Variants in OASL observed in about 807,000 individuals in gnomAD.
OASL encodes the protein 2'-5'-oligoadenylate synthetase like.
A neutral mutation model predicts 35.3 loss-of-function variants in OASL; 28 were observed. That is an observed-to-expected ratio of 0.79 (90% CI 0.59 to 1.09). OASL has a LOEUF of 1.09. Ranked by LOEUF, OASL falls within the 50% of genes least tolerant of loss-of-function variation. The probability of loss-of-function intolerance (pLI) is 0.00; values close to 1 mark genes in which losing one functional copy is unlikely to be tolerated. For missense variants in OASL, 620 were observed against 635.2 expected (o/e 0.98, Z 0.26); for synonymous variants, 252 against 254.6 (o/e 0.99, Z 0.10).
At position 121,033,824 on chromosome 12, in the gene OASL, T is replaced by G. The variant is rs1869848021; in HGVS notation, c.199-81A>C. 8 of 1,457,962 alleles carry G rather than the reference T, an allele frequency of 5.5e-6. No homozygotes were observed. The South Asian group carries it at 9.9e-5, about 18-fold the overall frequency. 90.3% of individuals were successfully genotyped at this position (1,457,962 alleles called of 1,614,324 possible). On this transcript the variant is annotated intron_variant, in intron 1 of 5. Transcript: ENST00000257570. ...CCTGCGGCACTTCACATGCACTGTC[T>G]CACTGAATGCTCACCACCCGCTGAG... is the stretch of plus-strand genomic sequence containing the variant.
intron 5 of OASL, among the ~76,000 whole-genome samples, chr12:121,023,570 G>A (rs996153769): frequency 4.6e-5 from 7 of 152,172 alleles, no homozygotes; most frequent in Admixed American, 2.6e-4. Flanking sequence ...GATTACAGGC[G>A]TGAACCACCG....
At chr12:121,038,087 TA>T (rs571751942) in intron 1 of OASL, among the ~76,000 whole-genome samples, 308 of 141,652 alleles carry the variant, frequency 2.2e-3, no homozygotes, top group Middle Eastern at 0.015. Flanking sequence ...ACCCTGTCTC[TA>T]AAAAAAAAAA....
At chr12:121,022,292 G>A (rs1445020213) in intron 5 of OASL, among the ~76,000 whole-genome samples, 2 of 151,998 alleles carry the variant, frequency 1.3e-5, no homozygotes, top group African/African-American at 4.8e-5. Flanking sequence ...TTACCATGTT[G>A]GCCAGGATGG....
exon 3 of OASL, chr12:121,031,491 G>C (rs1363364893): frequency 2.5e-6 from 4 of 1,613,984 alleles, no homozygotes; most frequent in Non-Finnish European, 3.4e-6. Flanking sequence ...CAGCTTAGTT[G>C]GCCGATGTTT....
At chr12:121,020,904 C>A in exon 6 of OASL, 1 of 1,614,180 alleles carries the variant, frequency 6.2e-7, no homozygotes, top group Non-Finnish European at 8.5e-7. Context: ...CCTCTCACTG[C>A]CAGGAACCTG....
chr12:121,036,848 G>A (rs1193706956), intron 1 of OASL, among the ~76,000 whole-genome samples: 2 of 152,066 alleles, frequency 1.3e-5, no homozygotes, highest in Non-Finnish European at 1.5e-5. Flanking sequence ...AGCATTTATC[G>A]TGCATGAATC....
intron 1 of OASL, among the ~76,000 whole-genome samples, chr12:121,038,474 A>G (rs1226131886): frequency 6.6e-6 from 1 of 152,214 alleles, no homozygotes; most frequent in Non-Finnish European, 1.5e-5. Context: ...CTGAGCCTCC[A>G]TTTGCTAATC....
chr12:121,027,908 T>G, intron 3 of OASL, 91 bp from the exon 4 acceptor site: 1 of 1,101,602 alleles, frequency 9.1e-7, no homozygotes, highest in Non-Finnish European at 1.3e-6. Flanking sequence ...ATCCAAGTTC[T>G]AGTCCTGGCT....
rs931550138 is a variant in OASL at position 121,030,564 on chromosome 12, T to C, written c.657+878A>G. On this transcript the variant is annotated intron_variant, in intron 3 of 5. Coordinates refer to ENST00000257570, the Ensembl canonical transcript of OASL. The stretch of plus-strand genomic sequence containing the variant: ...CTGTCTGATTCCCTTGTAACTTCTC[T>C]GCAAGTTCTATATAATAAATGATTT... Among the ~76,000 whole-genome samples, 20 of 152,174 alleles carry C rather than the reference T, an allele frequency of 1.3e-4. 1 individual carries two copies. Among genetic ancestry groups the C allele is most frequent in the Non-Finnish European group, 4.4e-5 (3 of 68,032 alleles).
exon 5 of OASL, chr12:121,024,131 G>T (rs765526981): frequency 1.2e-6 from 2 of 1,614,004 alleles, no homozygotes; most frequent in Non-Finnish European, 1.7e-6. Context: ...GATCCAGGAT[G>T]ATGGGCCTGT....
chr12:121,027,523 GC>G, intron 4 of OASL, 52 bp downstream of exon 4: 1 of 1,607,686 alleles, frequency 6.2e-7, no homozygotes, highest in African/African-American at 1.3e-5. Flanking sequence ...CGTTACACTA[GC>G]CCGTCTCTCT....
chr12:121,020,882 G>A (rs759359154), exon 6 of OASL: 2 of 1,614,200 alleles, frequency 1.2e-6, no homozygotes, highest in South Asian at 2.2e-5. Context: ...AGCACCTGCT[G>A]CTGAGAAGCT....
chr12:121,035,810 G>A (rs1869931056), intron 1 of OASL, among the ~76,000 whole-genome samples: 1 of 152,164 alleles, frequency 6.6e-6, no homozygotes, highest in Non-Finnish European at 1.5e-5. Flanking sequence ...GGTTGGAGAT[G>A]GCACCCTGTG....
chr12:121,021,385 G>A (rs900694687), intron 5 of OASL, among the ~76,000 whole-genome samples: 3 of 152,220 alleles, frequency 2.0e-5, no homozygotes, highest in Non-Finnish European at 4.4e-5. Context: ...AAGTGAGGTT[G>A]GTCAGACTCC....
rs202189728 is a variant in OASL, at chr12:121,024,118, C to T, written c.919G>A (p.Ala307Thr). 5.9e-5 allele frequency: 95 copies of T among 1,614,060 alleles called. 1 individual carries two copies. The Admixed American group carries it at 1.5e-3, about 25-fold the overall frequency. The change falls in exon 5 of 6, where the codon GCC becomes ACC. Residue 307 changes from alanine (A) to threonine (T), a missense_variant. Transcript: ENST00000257570. ...TCTGCCACGTTGAGGGTGGGGTCGG[C>T]CGGATCCAGGATGATGGGCCTGTAA...
intron 5 of OASL, among the ~76,000 whole-genome samples, chr12:121,021,748 T>C (rs904561131): frequency 6.6e-6 from 1 of 151,884 alleles, no homozygotes; most frequent in Admixed American, 6.6e-5. Flanking sequence ...GAGGTGGAGG[T>C]TGCAGTGAGC....
At chr12:121,027,002 CAGCTGG>C (rs1469864669) in intron 4 of OASL, among the ~76,000 whole-genome samples, 1 of 152,120 alleles carries the variant, frequency 6.6e-6, no homozygotes, top group Admixed American at 6.6e-5. Context: ...CAGGTGCTGA[CAGCTGG>C]AAGTGGAACC....
exon 6 of OASL, chr12:121,020,326 G>C (rs1001846680): frequency 4.6e-6 from 2 of 431,060 alleles, no homozygotes; most frequent in Admixed American, 3.9e-5. Flanking sequence ...GTAGAGACGG[G>C]GTCTCCCTGT....
chr12:121,027,946 G>T, intron 3 of OASL, 129 bp from the exon 4 acceptor site: 1 of 728,190 alleles, frequency 1.4e-6, no homozygotes, highest in Non-Finnish European at 2.3e-6. Flanking sequence ...TGTGACCTTG[G>T]CCATGTCACA....
Sources: gnomAD v4.1 joint callset for allele counts (sites outside exome capture counted in the v4.1 genomes callset) on GRCh38, gnomAD v4.1.1 for gene constraint, MANE v1.5 for transcripts, NCBI Gene and HGNC (gene_info 2026-07-23, HGNC 2026-07-21) for gene names.